The following PRRG1 variants were observed in gnomAD, a reference collection of about 807,000 sequenced individuals.
The protein encoded by PRRG1 is transmembrane gamma-carboxyglutamic acid protein 1.
Under a neutral mutation model 11.8 loss-of-function variants are expected in PRRG1, and 5 were observed. The observed-to-expected ratio is 0.42, with a 90% confidence interval of 0.22 to 0.89. PRRG1 has a LOEUF of 0.89. Ranked by LOEUF, PRRG1 falls within the 40% of genes least tolerant of loss-of-function variation. The pLI, the probability that PRRG1 is intolerant of heterozygous loss-of-function variation, is 0.28. For missense variants in PRRG1, 155 were observed against 166.1 expected (o/e 0.93, Z 0.37); for synonymous variants, 66 against 60.4 (o/e 1.09, Z -0.43).
At chrX:37,395,200 C>T (rs1366524759) in intron 1 of PRRG1, among the ~76,000 whole-genome samples, 1 of 112,127 alleles carries the variant, frequency 8.9e-6, no homozygotes, top group Non-Finnish European at 1.9e-5. Flanking sequence ...GCAGACAAGG[C>T]CTCAAGCCCA....
chrX:37,350,430 A>G (rs1930023734), intron 1 of PRRG1, among the ~76,000 whole-genome samples: 1 of 111,637 alleles, frequency 9.0e-6, no homozygotes, highest in South Asian at 3.8e-4. Context: ...GGTAAGTGAA[A>G]AGTTGGTTAG....
At chrX:37,442,029 C>T in intron 3 of PRRG1, 7 of 773,108 alleles carry the variant, frequency 9.1e-6, no homozygotes, top group Non-Finnish European at 1.1e-5. Context: ...TGGCAGAGTA[C>T]CTGTTTGACA....
intron 2 of PRRG1, among the ~76,000 whole-genome samples, chrX:37,423,720 C>T (rs1336166494): frequency 2.7e-5 from 3 of 109,405 alleles, no homozygotes; most frequent in Admixed American, 2.0e-4. Context: ...TAGCCTAAGT[C>T]GACAGTGTTG....
chrX:37,440,492 A>G (rs1214481966), intron 3 of PRRG1, among the ~76,000 whole-genome samples: 7 of 111,854 alleles, frequency 6.3e-5, no homozygotes, highest in Admixed American at 2.8e-4. Flanking sequence ...CCTTTTCGTT[A>G]AAAGAAACTG....
intron 2 of PRRG1, among the ~76,000 whole-genome samples, chrX:37,418,914 C>A (rs1932579301): frequency 8.9e-6 from 1 of 111,874 alleles, no homozygotes; most frequent in Non-Finnish European, 1.9e-5. Context: ...GAGCCAGGCT[C>A]CTGCACATGG....
rs181076679 is a variant in PRRG1, at chrX:37,411,435, A to C, written c.10+5176A>C. ...TCTCATCTGACCAACTGGCATATTC[A>C]TGATAAAATGGTAAAAGGCCCAGTA... On this transcript the variant is annotated intron_variant, in intron 2 of 3. Coordinates refer to ENST00000378628, the MANE Select transcript of PRRG1 (RefSeq NM_001142395.2). Among the ~76,000 whole-genome samples the C allele has an allele frequency of 2.0e-3, 220 of 112,185 alleles. 1 individual carries two copies. The highest frequency in any genetic ancestry group is 6.9e-3 in the African/African-American group (214 of 30,982).
intron 1 of PRRG1, chrX:37,403,742 G>A (rs185039064): frequency 5.7e-5 from 43 of 751,158 alleles, no homozygotes; most frequent in Middle Eastern, 7.6e-4. Flanking sequence ...CAGAGGATCC[G>A]AATGGAAAGA....
chrX:37,386,371 G>A (rs1331339300), intron 1 of PRRG1, among the ~76,000 whole-genome samples: 2 of 111,315 alleles, frequency 1.8e-5, no homozygotes, highest in African/African-American at 6.5e-5. Flanking sequence ...TATTTGAAGT[G>A]TACAACTGGA....
intron 1 of PRRG1, among the ~76,000 whole-genome samples, chrX:37,384,029 A>G (rs982339768): frequency 4.5e-5 from 5 of 111,014 alleles, no homozygotes; most frequent in Admixed American, 1.9e-4. Flanking sequence ...AAGAAAAAAA[A>G]AAAAGAAACT....
chrX:37,379,187 T>C (rs782194791), intron 1 of PRRG1, among the ~76,000 whole-genome samples: 1 of 108,182 alleles, frequency 9.2e-6, no homozygotes, highest in African/African-American at 3.4e-5. Context: ...TTATCTTTTC[T>C]AGGTGCAATT....
chrX:37,349,972 G>GT (rs1930001604), intron 1 of PRRG1, among the ~76,000 whole-genome samples: 1 of 102,511 alleles, frequency 9.8e-6, no homozygotes, highest in Non-Finnish European at 2.0e-5. Context: ...GGCTATGACT[G>GT]TTTTGTAGGC....
intron 1 of PRRG1, among the ~76,000 whole-genome samples, chrX:37,379,993 A>T (rs951533605): frequency 4.5e-5 from 5 of 111,617 alleles, no homozygotes; most frequent in African/African-American, 1.3e-4. Flanking sequence ...TATTCAGAGG[A>T]CAGAGTGATT....
chrX:37,432,290 G>T (rs1932838498), intron 3 of PRRG1, among the ~76,000 whole-genome samples: 1 of 98,697 alleles, frequency 1.0e-5, no homozygotes, highest in African/African-American at 4.9e-5. Context: ...CTTTCACCCT[G>T]TTAGCCAGGA....
At chrX:37,363,659 A>G (rs1457912532) in intron 1 of PRRG1, among the ~76,000 whole-genome samples, 1 of 112,535 alleles carries the variant, frequency 8.9e-6, no homozygotes, top group African/African-American at 3.2e-5. Flanking sequence ...GGAAAAGATC[A>G]GTTTAAATGG....
chrX:37,387,055 G>A (rs909342796), intron 1 of PRRG1, among the ~76,000 whole-genome samples: 24 of 111,896 alleles, frequency 2.1e-4, no homozygotes, highest in African/African-American at 7.8e-4. Context: ...GTGAGGAGAA[G>A]TATGTAGCTA....
rs899993309 is a variant in PRRG1 at position 37,426,440 on chromosome X, T to G, written c.171+440T>G. On this transcript the variant is annotated intron_variant, in intron 3 of 3. Transcript: ENST00000378628. ...CTCCGCGAGAATACTCCTCTTTACT[T>G]CTCTTTACTCTAGACTACATGCTAT... Among the ~76,000 whole-genome samples the G allele has an allele frequency of 6.3e-5, 7 of 111,837 alleles. No homozygotes were observed. The East Asian group carries it at 1.7e-3, about 27-fold the overall frequency.
chrX:37,369,624 G>C (rs1458279037), intron 1 of PRRG1, among the ~76,000 whole-genome samples: 1 of 111,292 alleles, frequency 9.0e-6, no homozygotes, highest in Non-Finnish European at 1.9e-5. Flanking sequence ...ACATCTCTTT[G>C]ATCTTCCCCC....
intron 1 of PRRG1, among the ~76,000 whole-genome samples, chrX:37,392,031 T>A (rs782019195): frequency 3.0e-4 from 33 of 110,830 alleles, no homozygotes; most frequent in Non-Finnish European, 4.7e-4. Flanking sequence ...AGTAAGCCAT[T>A]TCATTGTATA....
intron 2 of PRRG1, among the ~76,000 whole-genome samples, chrX:37,423,200 A>G (rs1287916822): frequency 9.0e-6 from 1 of 110,883 alleles, no homozygotes. Context: ...TTAATTTTTA[A>G]TTAATTAATT....
Sources: allele counts gnomAD v4.1 joint callset (sites outside exome capture counted in the v4.1 genomes callset), GRCh38; gene constraint gnomAD v4.1.1; transcripts MANE v1.5; gene names NCBI Gene and HGNC (gene_info 2026-07-23, HGNC 2026-07-21).